The following LRRC8B variants were observed in gnomAD, a reference collection of about 807,000 sequenced individuals.
LRRC8B encodes the protein volume-regulated anion channel subunit LRRC8B.
Under a neutral mutation model 58.8 loss-of-function variants are expected in LRRC8B, and 23 were observed. The observed-to-expected ratio is 0.39, with a 90% CI of 0.28 to 0.55. The LOEUF is 0.55. Among genes scored for constraint, LRRC8B ranks in the 20% least tolerant of loss-of-function variants. The pLI is 0.62. For synonymous variants in LRRC8B, 359 were observed against 374.1 expected (o/e 0.96, Z 0.47); for missense variants, 694 against 936.0 (o/e 0.74, Z 3.37).
intron 1 of LRRC8B, among the ~76,000 whole-genome samples, chr1:89,567,915 CTGTGATA>C (rs1401608162): frequency 6.6e-6 from 1 of 151,914 alleles, no homozygotes; most frequent in Non-Finnish European, 1.5e-5. Context: ...TCAAAAAAGC[CTGTGATA>C]TATAAGTGGC....
intron 1 of LRRC8B, among the ~76,000 whole-genome samples, chr1:89,551,863 A>C (rs1651843227): frequency 6.6e-6 from 1 of 152,200 alleles, no homozygotes; most frequent in Admixed American, 6.5e-5. Context: ...TAAGTGTGAC[A>C]CTGTTCTTAA....
intron 1 of LRRC8B, among the ~76,000 whole-genome samples, chr1:89,542,241 C>G (rs987369433): frequency 1.4e-4 from 22 of 152,204 alleles, no homozygotes; most frequent in African/African-American, 5.1e-4. Flanking sequence ...TTTGAGCTCT[C>G]TGGCTCAGTT....
intron 1 of LRRC8B, among the ~76,000 whole-genome samples, chr1:89,558,513 C>T (rs1287145752): frequency 6.6e-6 from 1 of 152,102 alleles, no homozygotes; most frequent in Non-Finnish European, 1.5e-5. Context: ...AGTCGTCCAG[C>T]CCAAAGATGA....
intron 4 of LRRC8B, among the ~76,000 whole-genome samples, chr1:89,581,274 A>T (rs1266805171): frequency 5.0e-5 from 1 of 20,090 alleles, no homozygotes; most frequent in African/African-American, 1.4e-4. Context: ...ACTCCGTCTC[A>T]AAAAAAAAAA....
intron 1 of LRRC8B, among the ~76,000 whole-genome samples, chr1:89,542,671 C>T (rs1651102794): frequency 6.6e-6 from 1 of 152,194 alleles, no homozygotes; most frequent in Non-Finnish European, 1.5e-5. Flanking sequence ...AGATAAGTCA[C>T]ATAACTGTCT....
In LRRC8B at chr1:89,545,647, C is replaced by T. The variant is rs368239268; in HGVS notation, c.-241+20625C>T. Among the ~76,000 whole-genome samples the T allele has an allele frequency of 1.0e-3, 155 of 152,304 alleles. 1 individual carries two copies. The highest frequency in any genetic ancestry group is 9.1e-3 in the South Asian group (44 of 4,822). ...ATCCTTTGGTTCTTTCCCTGTTAAA[C>T]GTGAATTCTTGCACTATATGTATGG... On this transcript the variant is annotated intron_variant, in intron 1 of 5. Transcript: ENST00000330947.
At chr1:89,535,542 A>G (rs1204966235) in intron 1 of LRRC8B, among the ~76,000 whole-genome samples, 2 of 152,204 alleles carry the variant, frequency 1.3e-5, no homozygotes, top group African/African-American at 4.8e-5. Flanking sequence ...CAACAATAAC[A>G]AAAAAGAACA....
Position 89,582,943 on chromosome 1 carries a change from A to G in LRRC8B, c.293A>G (p.His98Arg). ...CCCCTCCGAATTCAGAATGACCTCC[A>G]CCGACAGCAGTACTCCTATATTGAT... Reference protein sequence around the residue: ...PLPLRIQNDLHRQQYSYIDAV... With the variant: ...PLPLRIQNDLRRQQYSYIDAV... The change falls in exon 5 of 6, where the codon CAC (histidine) becomes CGC (arginine). Residue 98 changes from histidine (H) to arginine (R), a missense_variant. Transcript: ENST00000330947. 2 of 1,614,206 alleles carry G rather than the reference A, an allele frequency of 1.2e-6. No individual in the cohort carries two copies. The highest frequency in any genetic ancestry group is 1.1e-5 in the South Asian group (1 of 91,082).
chr1:89,575,021 A>C (rs1364212288), intron 3 of LRRC8B, among the ~76,000 whole-genome samples: 2 of 152,228 alleles, frequency 1.3e-5, no homozygotes, highest in African/African-American at 4.8e-5. Flanking sequence ...TTTAGATGAC[A>C]AGATCCTGGA....
intron 1 of LRRC8B, among the ~76,000 whole-genome samples, chr1:89,533,872 A>C (rs555233538): frequency 6.6e-6 from 1 of 152,204 alleles, no homozygotes; most frequent in Admixed American, 6.5e-5. Context: ...ATTTTAAAGA[A>C]TATCTCCTTG....
intron 1 of LRRC8B, chr1:89,527,051 C>T (rs1649754774): frequency 6.6e-6 from 1 of 152,160 alleles, no homozygotes; most frequent in Admixed American, 6.5e-5. Context: ...GTTTTTTAGA[C>T]TAATCCATGT....
intron 3 of LRRC8B, among the ~76,000 whole-genome samples, chr1:89,573,510 T>C (rs943333223): frequency 3.5e-4 from 54 of 152,256 alleles, no homozygotes; most frequent in Non-Finnish European, 6.6e-4. Flanking sequence ...TCAAATTGTT[T>C]CCCAGACCCA....
chr1:89,525,180 T>G (rs1166723075), intron 1 of LRRC8B, among the ~76,000 whole-genome samples, 158 bp downstream of exon 1: 3 of 152,220 alleles, frequency 2.0e-5, no homozygotes, highest in Non-Finnish European at 4.4e-5. Context: ...TGCGGGCCGG[T>G]AGCGCGGCTG....
rs868354725 is a variant in LRRC8B at position 89,560,536 on chromosome 1, C to A, written c.-240-7711C>A. ...TATCTCCCAATGCTATCCCTCCCCC[C>A]TTCCCCCACCCCACCACAGTCCCCA... On this transcript the variant is annotated intron_variant, in intron 1 of 5. Transcript: ENST00000330947. 1.8e-3 allele frequency among the ~76,000 whole-genome samples: 269 copies of A among 151,118 alleles called. 1 individual carries two copies. Among genetic ancestry groups the A allele is most frequent in the African/African-American group, 6.1e-3 (251 of 41,164 alleles).
intron 3 of LRRC8B, among the ~76,000 whole-genome samples, chr1:89,577,966 G>T (rs1235285011): frequency 6.6e-6 from 1 of 152,196 alleles, no homozygotes; most frequent in Non-Finnish European, 1.5e-5. Flanking sequence ...GTGGTCTGGT[G>T]TGCATGAGGT....
In LRRC8B at chr1:89,596,081, G is replaced by A. The variant is rs1443502136; in HGVS notation, c.*3038G>A. 1 of 151,862 alleles carries A rather than the reference G, an allele frequency of 6.6e-6. No individual in the cohort carries two copies. The highest frequency in any genetic ancestry group is 1.5e-5 in the Non-Finnish European group (1 of 67,908). 9.4% of individuals were successfully genotyped at this position (151,862 alleles called of 1,614,324 possible). ...GGTTTTTTTTTCAAAATTGCAGGAG[G>A]TTGTAGATTAAATTAAGTATGATAG... On this transcript the variant is annotated 3_prime_UTR_variant, in exon 6 of 6. Transcript: ENST00000330947.
intron 5 of LRRC8B, among the ~76,000 whole-genome samples, chr1:89,587,608 A>G (rs12124338): frequency 0.41 from 61,764 of 152,116 alleles, 13,860 homozygotes; most frequent in South Asian, 0.55. Context: ...ATTCAAGCCA[A>G]TTAATCCATG....
At chr1:89,579,397 A>G (rs960679583) in intron 3 of LRRC8B, among the ~76,000 whole-genome samples, 194 bp from the exon 4 acceptor site, 1 of 152,164 alleles carries the variant, frequency 6.6e-6, no homozygotes, top group Non-Finnish European at 1.5e-5. Context: ...TGAAAATCTA[A>G]GCCAGGCACA....
chr1:89,588,327 T>G (rs1324313289), intron 5 of LRRC8B, among the ~76,000 whole-genome samples: 2 of 152,250 alleles, frequency 1.3e-5, no homozygotes, highest in Non-Finnish European at 2.9e-5. Context: ...CTTCAGAGCC[T>G]TTAACATATG....
Sources: allele counts gnomAD v4.1 joint callset (sites outside exome capture counted in the v4.1 genomes callset), GRCh38; gene constraint gnomAD v4.1.1; transcripts MANE v1.5; gene names NCBI Gene and HGNC (gene_info 2026-07-23, HGNC 2026-07-21).